DNAH6: variants seen among roughly 807,000 people sequenced by gnomAD.
The protein encoded by DNAH6 is dynein axonemal heavy chain 6, also known as axonemal beta dynein heavy chain 6.
DNAH6 carries 340 observed loss-of-function variants against 491.4 expected under a neutral mutation model. The ratio of observed to expected loss-of-function variants is 0.69; its 90% CI spans 0.63 to 0.76. The LOEUF is 0.76. Among genes scored for constraint, DNAH6 ranks in the 30% least tolerant of loss-of-function variants. The pLI is 0.00. For synonymous variants in DNAH6, 1,603 were observed against 1,686.1 expected, an observed-to-expected ratio of 0.95 and a Z score of 1.21; for missense variants, 4,443 against 4,972.2, an observed-to-expected ratio of 0.89 and a Z score of 3.20.
intron 67 of DNAH6, 95 bp downstream of exon 67, chr2:84,785,851 GA>G: frequency 7.9e-7 from 1 of 1,264,340 alleles, no homozygotes; most frequent in Non-Finnish European, 1.0e-6. Flanking sequence ...ATGTCATTGT[GA>G]AATGCTGAAG....
rs1269334575 is a variant in DNAH6 at position 84,805,677 on chromosome 2, A to G, written c.11494A>G (p.Ser3832Gly). Residue 3832 changes from serine to glycine, a missense_variant, in exon 71 of 77, where the codon AGC (serine) becomes GGC (glycine). Ser to Gly is a moderately conservative substitution (Grantham distance 56). Transcript: ENST00000389394. ...ATTGCCATTACAGTACAAAGAGACC[A>G]GCACTTTAATCAACACCATACTTGA... ...ANLVFQYKETSTLINTILEVQ... is the reference protein window; with the variant it reads ...ANLVFQYKETGTLINTILEVQ... 1 of 1,551,312 alleles carries G rather than the reference A, an allele frequency of 6.4e-7. No individual in the cohort carries two copies. The highest frequency in any genetic ancestry group is 8.7e-7 in the Non-Finnish European group (1 of 1,146,778).
At chr2:84,593,791 G>T (rs1455730659) in intron 16 of DNAH6, among the ~76,000 whole-genome samples, 181 bp from the exon 17 acceptor site, 3 of 149,494 alleles carry the variant, frequency 2.0e-5, no homozygotes, top group African/African-American at 7.6e-5. Flanking sequence ...TCTAATATAT[G>T]TGGGGTTTTG....
At chr2:84,507,166 A>G in the DNAH6 span, among the ~76,000 whole-genome samples, 2 of 152,114 alleles carry the variant, frequency 1.3e-5, no homozygotes, top group African/African-American at 4.8e-5. Flanking sequence ...CAGTATGGCC[A>G]TTTTCACAAT....
At chr2:84,693,531 C>A (rs1176661754) in intron 45 of DNAH6, among the ~76,000 whole-genome samples, 2 of 151,984 alleles carry the variant, frequency 1.3e-5, no homozygotes, top group South Asian at 4.2e-4. Context: ...ATCATGAGAT[C>A]AGGAGATCGA....
chr2:84,529,307 C>A, intron 4 of DNAH6, 141 bp downstream of exon 4: 1 of 692,540 alleles, frequency 1.4e-6, no homozygotes, highest in Non-Finnish European at 2.3e-6. Context: ...ATCCTAATCA[C>A]AACAATTTTG....
intron 15 of DNAH6, 136 bp from the exon 16 acceptor site, chr2:84,588,690 A>C (rs1187763751): frequency 3.3e-5 from 29 of 882,724 alleles, no homozygotes; most frequent in Non-Finnish European, 4.7e-5. Flanking sequence ...GAAAACAATA[A>C]TTTTAAACAT....
In DNAH6 at chr2:84,785,600, C is replaced by T. The variant is rs201579648; in HGVS notation, c.10954-10C>T. 1.2e-4 allele frequency: 184 copies of T among 1,521,568 alleles called. No individual in the cohort carries two copies. The highest frequency in any genetic ancestry group is 1.5e-4 in the Non-Finnish European group (176 of 1,137,440). The allele number at this position is 1,521,568 out of a possible 1,614,324, so 94.3% of individuals were successfully genotyped here. On this transcript the variant is annotated splice_polypyrimidine_tract_variant and intron_variant, in intron 66 of 76. Transcript: ENST00000389394. ...ACTCTCTCTGCCACATATATTCTAT[C>T]TAAATCCAGGTGACCAATGAGCCTC...
rs138935163 is a variant in DNAH6, at chr2:84,573,497, C to G, written c.1834C>G (p.Arg612Gly). 6.3e-7 allele frequency: 1 copy of G among 1,588,384 alleles called. No individual in the cohort carries two copies. The highest frequency in any genetic ancestry group is 8.5e-7 in the Non-Finnish European group (1 of 1,171,796). ...CATTCAGGCCGCATTTGAATCAGCC[C>G]GCATCTATGCAGCTACCTTTGAAAA... ...ETIQAAFESA[R>G]IYAATFEKFQ... The change falls in exon 12 of 77, where the codon CGC becomes GGC. Residue 612 changes from arginine (R) to glycine (G), a missense_variant. Around this residue, in one of 3 missense-constraint regions of DNAH6, gnomAD observed 2,977 missense variants for 3,296.6 expected, o/e 0.90. Coordinates refer to ENST00000389394, the MANE Select transcript of DNAH6 (RefSeq NM_001370.2).
chr2:84,651,942 T>C (rs1186545774), intron 33 of DNAH6, among the ~76,000 whole-genome samples: 1 of 150,766 alleles, frequency 6.6e-6, no homozygotes, highest in Non-Finnish European at 1.5e-5. Context: ...TGTTAGTATA[T>C]ATGCATGAGT....
intron 22 of DNAH6, among the ~76,000 whole-genome samples, chr2:84,613,146 T>A (rs1007636356): frequency 1.1e-4 from 17 of 149,886 alleles, no homozygotes; most frequent in Admixed American, 3.3e-4. Flanking sequence ...AGAGAGAGAG[T>A]GTGTGTGTGT....
the DNAH6 span, among the ~76,000 whole-genome samples, chr2:84,477,785 A>G: frequency 6.6e-6 from 1 of 152,246 alleles, no homozygotes; most frequent in Non-Finnish European, 1.5e-5. Flanking sequence ...TAATATGGGA[A>G]GGAAAAGCAT....
chr2:84,605,924 A>C (rs1352678982), intron 20 of DNAH6, among the ~76,000 whole-genome samples: 2 of 152,184 alleles, frequency 1.3e-5, no homozygotes, highest in Admixed American at 1.3e-4. Flanking sequence ...CTTAAATATT[A>C]GATGGGATTT....
intron 52 of DNAH6, 111 bp from the exon 53 acceptor site, chr2:84,706,785 T>A: frequency 7.8e-7 from 1 of 1,285,152 alleles, no homozygotes; most frequent in Non-Finnish European, 1.0e-6. Context: ...CAAAGTCTTT[T>A]TGGACATGAA....
At position 84,549,990 on chromosome 2, in the gene DNAH6, G is replaced by T. The variant is rs148362906; in HGVS notation, c.1418G>T (p.Arg473Leu). 1 of 1,613,892 alleles carries T rather than the reference G, an allele frequency of 6.2e-7. No homozygotes were observed. Among genetic ancestry groups the T allele is most frequent in the South Asian group, 1.1e-5 (1 of 91,060 alleles). ...AACCATCTCACTGACAAGCTAAAACGAACACCTTCAGCAGATGTCATTCAG... is the reference window on the plus strand; with the variant it reads ...AACCATCTCACTGACAAGCTAAAACTAACACCTTCAGCAGATGTCATTCAG... ...LLNHLTDKLKRTPSADVIQKW... is the reference protein window; with the variant it reads ...LLNHLTDKLKLTPSADVIQKW... Residue 473 changes from arginine to leucine, a missense_variant, in exon 9 of 77, where the codon CGA becomes CTA. Coordinates refer to ENST00000389394, the MANE Select transcript of DNAH6 (RefSeq NM_001370.2).
intron 46 of DNAH6, among the ~76,000 whole-genome samples, chr2:84,696,793 T>A (rs1695439962): frequency 6.6e-6 from 1 of 152,092 alleles, no homozygotes; most frequent in Admixed American, 6.5e-5. Flanking sequence ...TGCATCAATG[T>A]TGAAAGACAA....
At chr2:84,817,908 A>C (rs1559076498) in intron 76 of DNAH6, among the ~76,000 whole-genome samples, 1 of 152,192 alleles carries the variant, frequency 6.6e-6, no homozygotes, top group Admixed American at 6.5e-5. Context: ...TCCAAGGAGT[A>C]TTAATCTACT....
intron 4 of DNAH6, among the ~76,000 whole-genome samples, chr2:84,538,222 TTG>T (rs1393616661): frequency 6.6e-6 from 1 of 152,156 alleles, no homozygotes; most frequent in Non-Finnish European, 1.5e-5. Context: ...GTGTTAGGCA[TTG>T]TGCCAAGTGC....
upstream of DNAH6, among the ~76,000 whole-genome samples, chr2:84,515,425 G>C (rs1675525070): frequency 6.6e-6 from 1 of 152,148 alleles, no homozygotes; most frequent in South Asian, 2.1e-4. Flanking sequence ...TCAAATAGGG[G>C]AGTTGGACTA....
chr2:84,790,972 A>G (rs1414878683), intron 68 of DNAH6, among the ~76,000 whole-genome samples: 2 of 152,126 alleles, frequency 1.3e-5, no homozygotes, highest in African/African-American at 4.8e-5. Flanking sequence ...TGGGCGAATC[A>G]TGAGGTCAGG....
Sources: allele counts gnomAD v4.1 joint callset (sites outside exome capture counted in the v4.1 genomes callset), GRCh38; gene constraint gnomAD v4.1.1; regional missense constraint gnomAD v4.1.1; transcripts MANE v1.5; gene names NCBI Gene and HGNC (gene_info 2026-07-23, HGNC 2026-07-21).